Variants in CASK observed in about 807,000 individuals in gnomAD.
CASK encodes the protein peripheral plasma membrane protein CASK.
Under a neutral mutation model 82.9 loss-of-function variants are expected in CASK, and 4 were observed. The ratio of observed to expected loss-of-function variants is 0.05; its 90% CI spans 0.02 to 0.11. CASK has a LOEUF of 0.11. Ranked by LOEUF, CASK falls within the 10% of genes least tolerant of loss-of-function variation. The pLI is 1.00. For missense variants in CASK, 358 were observed against 720.9 expected (o/e 0.50, Z 5.76); for synonymous variants, 259 against 253.5 (o/e 1.02, Z -0.20).
intron 2 of CASK, among the ~76,000 whole-genome samples, chrX:41,795,622 T>C (rs951270331): frequency 4.5e-5 from 5 of 110,926 alleles, no homozygotes; most frequent in African/African-American, 1.6e-4. Context: ...GCCAAGATCA[T>C]GCCACTGCAC....
intron 5 of CASK, among the ~76,000 whole-genome samples, chrX:41,673,114 T>G (rs771955460): frequency 8.9e-6 from 1 of 111,758 alleles, no homozygotes; most frequent in African/African-American, 3.3e-5. Flanking sequence ...TAGGAAGGAG[T>G]AGAAGCTGAA....
intron 5 of CASK, among the ~76,000 whole-genome samples, chrX:41,680,467 C>T (rs978204064): frequency 9.4e-6 from 1 of 106,080 alleles, no homozygotes; most frequent in African/African-American, 3.5e-5. Context: ...GGCGACAAAG[C>T]GAGACTCTGT....
At chrX:41,867,976 T>G (rs1410646017) in intron 1 of CASK, among the ~76,000 whole-genome samples, 1 of 112,325 alleles carries the variant, frequency 8.9e-6, no homozygotes, top group Non-Finnish European at 1.9e-5. Flanking sequence ...CTACTTATAT[T>G]ATCCACATGA....
intron 5 of CASK, among the ~76,000 whole-genome samples, chrX:41,686,185 G>A (rs2067436492): frequency 9.0e-6 from 1 of 110,677 alleles, no homozygotes; most frequent in Non-Finnish European, 1.9e-5. Context: ...TGCCTCCCGG[G>A]TTCAAGCGAT....
chrX:41,582,958 C>T (rs866435782), intron 14 of CASK, among the ~76,000 whole-genome samples: 11 of 111,782 alleles, frequency 9.8e-5, no homozygotes, highest in African/African-American at 3.6e-4. Flanking sequence ...ACCTCTCCTA[C>T]CTGTCCTCCC....
At chrX:41,919,626 C>T (rs762188708) in intron 1 of CASK, among the ~76,000 whole-genome samples, 1 of 112,107 alleles carries the variant, frequency 8.9e-6, no homozygotes, top group African/African-American at 3.2e-5. Flanking sequence ...GTAATCGCTA[C>T]ATTTGCTAAG....
chrX:41,551,215 C>T (rs765450345), intron 21 of CASK, among the ~76,000 whole-genome samples: 1 of 112,143 alleles, frequency 8.9e-6, no homozygotes, highest in Non-Finnish European at 1.9e-5. Context: ...TACATGGCTT[C>T]AGCTCCCCTG....
At chrX:41,615,630 GT>G (rs1380106002) in intron 11 of CASK, among the ~76,000 whole-genome samples, 6 of 106,964 alleles carry the variant, frequency 5.6e-5, no homozygotes, top group Middle Eastern at 4.8e-3. Context: ...ATCTTACTGA[GT>G]TTTTTTTTTC....
At chrX:41,546,617 G>A (rs1282599194) in intron 21 of CASK, among the ~76,000 whole-genome samples, 1 of 110,141 alleles carries the variant, frequency 9.1e-6, no homozygotes, top group East Asian at 2.9e-4. Flanking sequence ...ACAGGTGTGC[G>A]CCACTACACC....
At chrX:41,715,549 G>A (rs2068045999) in intron 5 of CASK, among the ~76,000 whole-genome samples, 1 of 109,120 alleles carries the variant, frequency 9.2e-6, no homozygotes, top group South Asian at 4.1e-4. Context: ...TTGAACTCAG[G>A]AGGCGGAGGT....
intron 14 of CASK, chrX:41,585,258 T>C (rs1414503368): frequency 8.8e-6 from 1 of 113,015 alleles, no homozygotes; most frequent in South Asian, 3.6e-4. Flanking sequence ...AGAACCTGTA[T>C]CCTAATTGTA....
chrX:41,650,945 A>G (rs1225992068), intron 8 of CASK, among the ~76,000 whole-genome samples: 4 of 111,983 alleles, frequency 3.6e-5, no homozygotes, highest in Non-Finnish European at 5.6e-5. Flanking sequence ...AGATGACATA[A>G]GTAGTGAAGT....
chrX:41,916,806 T>A (rs965059794), intron 1 of CASK, among the ~76,000 whole-genome samples: 1 of 111,943 alleles, frequency 8.9e-6, no homozygotes, highest in Non-Finnish European at 1.9e-5. Flanking sequence ...AAGTTAGGGG[T>A]AATTAATCAA....
chrX:41,569,454 T>C (rs2065372921), intron 16 of CASK, among the ~76,000 whole-genome samples: 1 of 111,662 alleles, frequency 9.0e-6, no homozygotes, highest in Non-Finnish European at 1.9e-5. Context: ...ATTCTTTATA[T>C]GTATCCTTTA....
At chrX:41,847,719 T>C (rs1051187256) in intron 2 of CASK, among the ~76,000 whole-genome samples, 1 of 112,445 alleles carries the variant, frequency 8.9e-6, no homozygotes, top group Non-Finnish European at 1.9e-5. Context: ...TTACTCCTGC[T>C]CTTTGCTTAG....
intron 1 of CASK, among the ~76,000 whole-genome samples, chrX:41,892,222 A>ATT (rs753034665): frequency 1.4e-4 from 13 of 90,278 alleles, no homozygotes; most frequent in African/African-American, 3.6e-4. Context: ...TTCAACGAGA[A>ATT]TTTTTTTTTT....
chrX:41,718,340 A>G (rs1186396114), intron 5 of CASK, among the ~76,000 whole-genome samples: 1 of 112,936 alleles, frequency 8.9e-6, no homozygotes, highest in Non-Finnish European at 1.9e-5. Context: ...AATTAATTGG[A>G]CCCAAAGAGG....
At chrX:41,629,672 C>T (rs995618971) in intron 9 of CASK, among the ~76,000 whole-genome samples, 1 of 111,741 alleles carries the variant, frequency 8.9e-6, no homozygotes, top group African/African-American at 3.3e-5. Context: ...AGTTCTACCA[C>T]TGTAGTGTGA....
chrX:41,831,081 A>G (rs1162581786), intron 2 of CASK, among the ~76,000 whole-genome samples: 1 of 109,774 alleles, frequency 9.1e-6, no homozygotes, highest in African/African-American at 3.3e-5. Flanking sequence ...AGTATTACCT[A>G]TATTGTGCCA....
Sources: allele counts gnomAD v4.1 joint callset (sites outside exome capture counted in the v4.1 genomes callset), GRCh38; gene constraint gnomAD v4.1.1; transcripts MANE v1.5; gene names NCBI Gene and HGNC (gene_info 2026-07-23, HGNC 2026-07-21).